Variants in AKAP19 observed in about 807,000 individuals in gnomAD.
The protein encoded by AKAP19 is small A-kinase anchoring protein.
the AKAP19 span, among the ~76,000 whole-genome samples, chr2:190,090,716 T>C: frequency 6.6e-6 from 1 of 152,180 alleles, no homozygotes; most frequent in Non-Finnish European, 1.5e-5. Flanking sequence ...AAGGCTCTGA[T>C]AAAAGGCAGA....
chr2:190,087,969 C>T, the AKAP19 span, among the ~76,000 whole-genome samples: 381 of 152,082 alleles, frequency 2.5e-3, 2 homozygotes, highest in East Asian at 0.026. Flanking sequence ...CAAAAAATTC[C>T]GGACACACAC....
At chr2:190,112,584 A>G in the AKAP19 span, among the ~76,000 whole-genome samples, 1 of 152,098 alleles carries the variant, frequency 6.6e-6, no homozygotes, top group African/African-American at 2.4e-5. Flanking sequence ...TAATTTTCTT[A>G]TAAGCTTTTT....
At chr2:190,040,739 T>A in the AKAP19 span, among the ~76,000 whole-genome samples, 2 of 152,222 alleles carry the variant, frequency 1.3e-5, no homozygotes, top group Non-Finnish European at 2.9e-5. Context: ...CTTCTGCATA[T>A]GGCTAGCCAG....
chr2:190,040,276 A>G, the AKAP19 span, among the ~76,000 whole-genome samples: 1 of 152,138 alleles, frequency 6.6e-6, no homozygotes. Flanking sequence ...GATCAGTGAT[A>G]TTGAGCTTTT....
chr2:190,069,132 GCA>G, the AKAP19 span, among the ~76,000 whole-genome samples: 1 of 130,370 alleles, frequency 7.7e-6, no homozygotes, highest in East Asian at 2.2e-4. Context: ...GTGTGTGCAT[GCA>G]TATGTGTGTG....
At chr2:190,167,121 G>A in the AKAP19 span, among the ~76,000 whole-genome samples, 1 of 152,190 alleles carries the variant, frequency 6.6e-6, no homozygotes, top group East Asian at 1.9e-4. Flanking sequence ...CAGGACAATT[G>A]ACAAAAGAAA....
the AKAP19 span, among the ~76,000 whole-genome samples, chr2:189,891,767 G>T: frequency 2.0e-5 from 3 of 152,042 alleles, no homozygotes; most frequent in African/African-American, 4.8e-5. Context: ...TCCTGGATTT[G>T]AATGTTGGCC....
chr2:190,081,192 A>G, the AKAP19 span, among the ~76,000 whole-genome samples: 1 of 151,644 alleles, frequency 6.6e-6, no homozygotes, highest in African/African-American at 2.4e-5. Context: ...CTCTGAGCCA[A>G]CCCCCATCCC....
the AKAP19 span, among the ~76,000 whole-genome samples, chr2:190,014,518 A>G: frequency 2.0e-5 from 3 of 152,224 alleles, no homozygotes; most frequent in African/African-American, 7.2e-5. Context: ...TCAGGATTTT[A>G]ATTCAAGATG....
At chr2:190,002,700 T>A in the AKAP19 span, among the ~76,000 whole-genome samples, 16 of 152,334 alleles carry the variant, frequency 1.1e-4, no homozygotes, top group East Asian at 2.7e-3. Flanking sequence ...CTGCTTTCCA[T>A]GAATACCTAA....
At chr2:189,902,809 G>A in the AKAP19 span, among the ~76,000 whole-genome samples, 114 of 151,556 alleles carry the variant, frequency 7.5e-4, no homozygotes, top group Non-Finnish European at 1.0e-3. Context: ...TAGCCAATAG[G>A]AAAGAGTAGA....
the AKAP19 span, among the ~76,000 whole-genome samples, chr2:189,976,754 G>C: frequency 6.6e-6 from 1 of 152,206 alleles, no homozygotes; most frequent in African/African-American, 2.4e-5. Flanking sequence ...GTGAGGCTCT[G>C]TGGGCTTCGG....
the AKAP19 span, among the ~76,000 whole-genome samples, chr2:190,139,981 C>G: frequency 6.6e-6 from 1 of 152,170 alleles, no homozygotes; most frequent in African/African-American, 2.4e-5. Context: ...TTCCTAGATA[C>G]TATGGGGGTA....
At chr2:189,993,625 T>C in the AKAP19 span, among the ~76,000 whole-genome samples, 4 of 152,204 alleles carry the variant, frequency 2.6e-5, no homozygotes, top group African/African-American at 4.8e-5. Context: ...TGAGTCTGTC[T>C]GGTCCTGGAC....
chr2:190,191,418 T>C, the AKAP19 span, among the ~76,000 whole-genome samples: 1 of 152,216 alleles, frequency 6.6e-6, no homozygotes, highest in African/African-American at 2.4e-5. Context: ...ATACTGGGAT[T>C]ACAGGCATGC....
chr2:189,902,898 A>G, the AKAP19 span, among the ~76,000 whole-genome samples: 1 of 152,002 alleles, frequency 6.6e-6, no homozygotes, highest in African/African-American at 2.4e-5. Context: ...AGTGCATTAA[A>G]TAAAGTAAGT....
chr2:190,064,887 C>T, the AKAP19 span, among the ~76,000 whole-genome samples: 6 of 152,148 alleles, frequency 3.9e-5, no homozygotes, highest in African/African-American at 1.4e-4. Context: ...CGCTAACAGA[C>T]AATTCTTATT....
the AKAP19 span, among the ~76,000 whole-genome samples, chr2:190,165,310 G>A: frequency 2.6e-5 from 4 of 151,910 alleles, no homozygotes; most frequent in East Asian, 3.9e-4. Context: ...GGTGGTGGGC[G>A]CCTGTACTCC....
chr2:190,164,466 G>A, the AKAP19 span, among the ~76,000 whole-genome samples: 1 of 152,154 alleles, frequency 6.6e-6, no homozygotes, highest in African/African-American at 2.4e-5. Context: ...TGGGGTGGAG[G>A]TTGCAGTGAA....
Sources: gnomAD v4.1 joint callset for allele counts (sites outside exome capture counted in the v4.1 genomes callset) on GRCh38, gnomAD v4.1.1 for gene constraint, MANE v1.5 for transcripts, NCBI Gene and HGNC (gene_info 2026-07-23, HGNC 2026-07-21) for gene names.